The following ADAMTS9 variants were observed in gnomAD, a reference collection of about 807,000 sequenced individuals.
ADAMTS9 encodes A disintegrin and metalloproteinase with thrombospondin motifs 9.
A neutral mutation model predicts 257.1 loss-of-function variants in ADAMTS9; 107 were observed. The observed-to-expected ratio is 0.42, with a 90% confidence interval of 0.36 to 0.49. The LOEUF (loss-of-function observed/expected upper bound fraction) is 0.49, where lower values mean the gene tolerates loss of function less well. Ranked by LOEUF, ADAMTS9 falls within the 20% of genes least tolerant of loss-of-function variation. The pLI, the probability that ADAMTS9 is intolerant of heterozygous loss-of-function variation, is 0.03. For synonymous variants in ADAMTS9, 982 were observed against 880.9 expected, an observed-to-expected ratio of 1.11 and a Z score of -2.03; for missense variants, 2,353 against 2,469.1, an observed-to-expected ratio of 0.95 and a Z score of 1.00.
intron 30 of ADAMTS9, among the ~76,000 whole-genome samples, chr3:64,558,205 A>T (rs1212090105): frequency 6.6e-6 from 1 of 152,222 alleles, no homozygotes. Context: ...GAAGATAATG[A>T]TTCAGAGTGT....
At chr3:64,603,830 G>T in intron 25 of ADAMTS9, 92 bp downstream of exon 25, 1 of 1,358,966 alleles carries the variant, frequency 7.4e-7, no homozygotes, top group Non-Finnish European at 1.0e-6. Flanking sequence ...ATTACCCATT[G>T]ACATTTCCAA....
intron 38 of ADAMTS9, among the ~76,000 whole-genome samples, chr3:64,524,224 C>G (rs1357904978): frequency 6.6e-6 from 1 of 152,148 alleles, no homozygotes; most frequent in African/African-American, 2.4e-5. Context: ...CTTTTTATGT[C>G]AAAATCCATT....
chr3:64,562,494 AT>A lies in ADAMTS9; in HGVS notation c.4525-744del, dbSNP rs544156504. 1.9e-3 allele frequency among the ~76,000 whole-genome samples: 284 copies of A among 152,298 alleles called. 1 individual carries two copies. The highest frequency in any genetic ancestry group is 2.6e-3 in the Non-Finnish European group (177 of 68,022). ...CTGCAATTAACTTTCCTCTAAATTAATTTTTTAATGGTTTCCTCATTGCTGG... is the reference window on the plus strand; with the variant it reads ...CTGCAATTAACTTTCCTCTAAATTAATTTTTAATGGTTTCCTCATTGCTGG... On this transcript the variant is annotated intron_variant, in intron 29 of 39. Coordinates refer to ENST00000498707, the MANE Select transcript of ADAMTS9 (RefSeq NM_182920.2).
At chr3:64,553,938 C>T (rs11130972) in intron 30 of ADAMTS9, among the ~76,000 whole-genome samples, 112,387 of 151,794 alleles carry the variant, frequency 0.74, 43,630 homozygotes, top group Admixed American at 0.86. Flanking sequence ...AGAGGGCCAC[C>T]GAATGTTAAA....
At chr3:64,623,439 C>T (rs1700155376) in intron 16 of ADAMTS9, among the ~76,000 whole-genome samples, 1 of 152,138 alleles carries the variant, frequency 6.6e-6, no homozygotes, top group South Asian at 2.1e-4. Flanking sequence ...ATTCTCCAGC[C>T]CTAGTTGAGT....
intron 3 of ADAMTS9, among the ~76,000 whole-genome samples, chr3:64,673,082 G>GTACCACGTAGCCTAGGTA (rs1220213296): frequency 7.6e-6 from 1 of 131,174 alleles, no homozygotes; most frequent in African/African-American, 3.0e-5. Flanking sequence ...TAGCCTAGGT[G>GTACCACGTAGCCTAGGTA]TGTGGTAGGC....
In ADAMTS9 at chr3:64,665,334, G is replaced by A. The variant is rs73832373; in HGVS notation, c.680-6543C>T. ...AGAACTCATGCAATGAAGGGAGGGA[G>A]GCCCGATTTAAGTCCTATTTGACCT... On this transcript the variant is annotated intron_variant, in intron 3 of 39. Transcript: ENST00000498707. Among the ~76,000 whole-genome samples, 1,144 of 152,182 alleles carry A rather than the reference G, an allele frequency of 7.5e-3. 15 individuals carry two copies. Among genetic ancestry groups the A allele is most frequent in the African/African-American group, 0.026 (1,076 of 41,514 alleles).
chr3:64,642,034 G>A, intron 11 of ADAMTS9, 41 bp from the exon 12 acceptor site: 3 of 1,610,204 alleles, frequency 1.9e-6, no homozygotes, highest in Non-Finnish European at 2.5e-6. Context: ...ACTTGGCGCT[G>A]TGAGTTGTTA....
At chr3:64,641,314 ATTTTTAT>A (rs1293215193) in intron 12 of ADAMTS9, among the ~76,000 whole-genome samples, 2 of 103,940 alleles carry the variant, frequency 1.9e-5, no homozygotes, top group East Asian at 5.3e-4. Context: ...TTGTTTTTTT[ATTTTTAT>A]TTTTTATTAT....
chr3:64,647,525 T>C (rs1379616966), intron 11 of ADAMTS9, among the ~76,000 whole-genome samples: 4 of 152,226 alleles, frequency 2.6e-5, no homozygotes, highest in Admixed American at 6.5e-5. Flanking sequence ...GTACCTGCAA[T>C]AGATGTACTA....
In ADAMTS9 at chr3:64,546,682, G is replaced by T. The variant is rs1437433779; in HGVS notation, c.5064+76C>A. 2.8e-6 allele frequency: 4 copies of T among 1,426,256 alleles called. No individual in the cohort carries two copies. The African/African-American group carries it at 4.3e-5, about 15-fold the overall frequency. 88.4% of individuals were successfully genotyped at this position (1,426,256 alleles called of 1,614,324 possible). A position where few individuals can be genotyped will look rare whatever the true frequency, so the allele number is the denominator to read the frequency against. ...TGGAAGTAGAGTTACTAAGGAGAGC[G>T]GGTTAGGCAGGACATGTTTAAGACG... On this transcript the variant is annotated intron_variant, in intron 32 of 39. Transcript: ENST00000498707.
At chr3:64,655,031 C>A (rs1171164824) in intron 6 of ADAMTS9, among the ~76,000 whole-genome samples, 1 of 152,198 alleles carries the variant, frequency 6.6e-6, no homozygotes, top group Non-Finnish European at 1.5e-5. Context: ...ATTAAGCCAG[C>A]ACGCGTCTTT....
chr3:64,619,653 A>T (rs1421758108), intron 19 of ADAMTS9, among the ~76,000 whole-genome samples: 1 of 152,196 alleles, frequency 6.6e-6, no homozygotes, highest in African/African-American at 2.4e-5. Context: ...TTAGTAAAAG[A>T]ATATTAATAG....
At chr3:64,542,623 G>A (rs2083140892) in intron 32 of ADAMTS9, among the ~76,000 whole-genome samples, 1 of 152,044 alleles carries the variant, frequency 6.6e-6, no homozygotes, top group South Asian at 2.1e-4. Context: ...GCAGTGTGTA[G>A]AGGGAAATAT....
In ADAMTS9 at chr3:64,561,654, G is replaced by C; in HGVS notation, c.4622C>G (p.Thr1541Ser). Residue 1541 changes from threonine (T) to serine (S), a missense_variant, in exon 30 of 40, where the codon ACC becomes AGC. Coordinates refer to ENST00000498707, the MANE Select transcript of ADAMTS9 (RefSeq NM_182920.2). Reference protein sequence around the residue: ...IARETECNPYTRPESERDCQG... With the variant: ...IARETECNPYSRPESERDCQG... ...GCAGTCGCGTTCCGACTCCGGTCTG[G>C]TGTATGGGTTGCACTCGGTCTCTCT... 6.2e-7 allele frequency: 1 copy of C among 1,614,068 alleles called. No homozygotes were observed. The highest frequency in any genetic ancestry group is 8.5e-7 in the Non-Finnish European group (1 of 1,180,008).
At chr3:64,653,216 G>A (rs998961750) in intron 8 of ADAMTS9, among the ~76,000 whole-genome samples, 2 of 152,092 alleles carry the variant, frequency 1.3e-5, no homozygotes, top group Admixed American at 1.3e-4. Context: ...CACTAAGCTG[G>A]GGAAGCTGGA....
intron 11 of ADAMTS9, among the ~76,000 whole-genome samples, chr3:64,647,531 T>A (rs1445603737): frequency 6.6e-6 from 1 of 152,220 alleles, no homozygotes; most frequent in African/African-American, 2.4e-5. Flanking sequence ...GCAATAGATG[T>A]ACTATATTTC....
At position 64,608,493 on chromosome 3, in the gene ADAMTS9, G is replaced by A. The variant is rs145907568; in HGVS notation, c.3355-1414C>T. The stretch of plus-strand genomic sequence containing the variant: ...AGGGAACATGTCTACTGACCTTACA[G>A]CAATAAAAGTGATGCCAATATATTA... On this transcript the variant is annotated intron_variant, in intron 22 of 39. Transcript: ENST00000498707. Among the ~76,000 whole-genome samples the A allele has an allele frequency of 1.1e-3, 162 of 152,088 alleles. 1 individual carries two copies. The highest frequency in any genetic ancestry group is 9.7e-3 in the South Asian group (47 of 4,824).
chr3:64,575,490 G>A (rs923325200), intron 28 of ADAMTS9, among the ~76,000 whole-genome samples: 1 of 152,166 alleles, frequency 6.6e-6, no homozygotes, highest in Non-Finnish European at 1.5e-5. Flanking sequence ...CTAAGCAAGA[G>A]TGTAACAACC....
Sources: gnomAD v4.1 joint callset for allele counts (sites outside exome capture counted in the v4.1 genomes callset) on GRCh38, gnomAD v4.1.1 for gene constraint, MANE v1.5 for transcripts, NCBI Gene and HGNC (gene_info 2026-07-23, HGNC 2026-07-21) for gene names.